OGG1: variants seen among roughly 807,000 people sequenced by gnomAD.
The protein encoded by OGG1 is N-glycosylase/DNA lyase.
OGG1 carries 35 observed loss-of-function variants against 42.3 expected under a neutral mutation model. That is an observed-to-expected ratio of 0.83 (90% CI 0.63 to 1.10). The LOEUF is 1.10. OGG1 is among the 50% of genes least tolerant of loss of function. The pLI is 0.00. For synonymous variants in OGG1, 189 were observed against 179.0 expected (o/e 1.06, Z -0.44); for missense variants, 484 against 446.7 (o/e 1.08, Z -0.75).
chr3:9,750,943 A>G lies in OGG1; in HGVS notation c.138-2A>G. 1 of 1,613,964 alleles carries G rather than the reference A, an allele frequency of 6.2e-7. No homozygotes were observed. Among genetic ancestry groups the G allele is most frequent in the Non-Finnish European group, 8.5e-7 (1 of 1,179,984 alleles). On this transcript the variant is annotated splice_acceptor_variant, in intron 1 of 6. Transcript: ENST00000344629. LOFTEE classifies it high-confidence loss of function. ...CAGGGTTGTCATGTGCCTTGGGCTC[A>G]GGTGGAGGGAGCAAAGTCCTGCACA...
chr3:9,760,572 A>C (rs1440089849), downstream of OGG1: 5 of 1,381,264 alleles, frequency 3.6e-6, no homozygotes, highest in Non-Finnish European at 5.1e-6. Flanking sequence ...CGACAGAAGG[A>C]AGGCAGGAGG....
chr3:9,754,018 A>G (rs1477285180), intron 3 of OGG1, among the ~76,000 whole-genome samples: 1 of 152,236 alleles, frequency 6.6e-6, no homozygotes, highest in Non-Finnish European at 1.5e-5. Context: ...ACAAGCCTGT[A>G]GTCTCAGCTA....
chr3:9,771,748 T>C lies in OGG1; in HGVS notation c.295-9765T>C, dbSNP rs572800067. ...CTTTTACCACAAATTCCTGTTCATC[T>C]TGATGACAACACCCCCTGGGTGATA... On this transcript the variant is annotated intron_variant, in intron 2 of 3. Coordinates refer to the OGG1 transcript ENST00000426518. Among the ~76,000 whole-genome samples the C allele has an allele frequency of 6.6e-5, 10 of 152,072 alleles. No individual in the cohort carries two copies. The South Asian group carries it at 2.1e-3, about 32-fold the overall frequency.
At chr3:9,757,910 CA>C (rs2077662207), downstream of OGG1, 5 of 1,538,186 alleles carry the variant, frequency 3.3e-6, no homozygotes, top group Admixed American at 1.0e-4. This position sits in a 1 kb window ranked among gnomAD's most constrained non-coding sequence, Gnocchi z 4.5. Flanking sequence ...AGTCATGGGG[CA>C]GGGGCGCAGT....
downstream of OGG1, among the ~76,000 whole-genome samples, chr3:9,770,238 C>T (rs1220645716): frequency 6.6e-6 from 1 of 152,182 alleles, no homozygotes; most frequent in East Asian, 1.9e-4. Context: ...CGAACCCCGT[C>T]TGTCTGAAGC....
chr3:9,754,958 G>A, intron 4 of OGG1, 73 bp downstream of exon 4: 1 of 1,314,288 alleles, frequency 7.6e-7, no homozygotes, highest in East Asian at 2.5e-5. Context: ...GCCAAGCCTG[G>A]GAGCTGGGTG....
At chr3:9,783,379 G>A (rs2078525930) in intron 3 of OGG1, 1 of 151,754 alleles carries the variant, frequency 6.6e-6, no homozygotes, top group South Asian at 2.1e-4. Context: ...GAATGCAATG[G>A]TGCAGTCTCA....
chr3:9,789,704 G>C, downstream of OGG1: 1 of 1,611,692 alleles, frequency 6.2e-7, no homozygotes, highest in Non-Finnish European at 8.5e-7. Flanking sequence ...ATGTTCTCTA[G>C]CCCAGAACCT....
intron 7 of OGG1, chr3:9,763,185 C>T (rs759644397): frequency 6.2e-6 from 10 of 1,613,934 alleles, no homozygotes; most frequent in Admixed American, 3.3e-5. Context: ...TAGATGTCAT[C>T]CAGGGCTACA....
downstream of OGG1, chr3:9,760,224 CAG>C (rs1402114605): frequency 5.7e-6 from 1 of 175,486 alleles, no homozygotes; most frequent in Non-Finnish European, 1.2e-5. Context: ...GCCTGGGCAA[CAG>C]AGCGAGACTG....
At chr3:9,781,747 A>C (rs1469752187) in intron 3 of OGG1, 3 of 374,836 alleles carry the variant, frequency 8.0e-6, no homozygotes, top group Non-Finnish European at 1.6e-5. Flanking sequence ...GGGCTGCTTA[A>C]GGCCTTGCAG....
chr3:9,762,698 ATGT>A (rs2077941861), intron 7 of OGG1, among the ~76,000 whole-genome samples: 1 of 152,036 alleles, frequency 6.6e-6, no homozygotes, highest in African/African-American at 2.4e-5. Flanking sequence ...AAAAGACAAA[ATGT>A]TGTTTGGATA....
downstream of OGG1, chr3:9,762,075 C>A: frequency 7.9e-6 from 2 of 254,346 alleles, no homozygotes; most frequent in Non-Finnish European, 1.6e-5. Flanking sequence ...TGCTTCCCTG[C>A]TAGGCCAGTC....
chr3:9,766,082 C>T lies in OGG1; in HGVS notation c.*251C>T, dbSNP rs201354453. 127 of 1,535,044 alleles carry T rather than the reference C, an allele frequency of 8.3e-5. No homozygotes were observed. In the African/African-American group the frequency reaches 1.6e-3, roughly 19 times the overall value. ...GGCCTGGCCAGTCAAAGTAGTCTCT[C>T]CCCTGGCCACAGTAATTGGTCATGT... On this transcript the variant is annotated 3_prime_UTR_variant, in exon 8 of 8. Coordinates refer to the OGG1 transcript ENST00000302008.
chr3:9,787,206 G>A, intron 3 of OGG1: 2 of 1,614,202 alleles, frequency 1.2e-6, no homozygotes, highest in Non-Finnish European at 1.7e-6. Flanking sequence ...TACCTTTAGT[G>A]TCCAGTTCGG....
chr3:9,771,052 G>A (rs962179869), downstream of OGG1, among the ~76,000 whole-genome samples: 15 of 149,376 alleles, frequency 1.0e-4, no homozygotes, highest in Middle Eastern at 3.2e-3. Context: ...TTTTAAGACA[G>A]GGTCTTGCTC....
chr3:9,756,311 CAAAA>C (rs201763685), intron 4 of OGG1, among the ~76,000 whole-genome samples, 156 bp from the exon 5 acceptor site: 2 of 150,790 alleles, frequency 1.3e-5, no homozygotes, highest in African/African-American at 2.4e-5. Context: ...CAAAAACAAA[CAAAA>C]AAAAAGTGTA....
intron 2 of OGG1, chr3:9,779,815 CCTCAGAAAGAGGTA>C (rs1431813761): frequency 6.6e-6 from 1 of 152,172 alleles, no homozygotes; most frequent in Middle Eastern, 3.2e-3. Context: ...CCACAAGTAT[CCTCAGAAAGAGGTA>C]CTCAGAAAGT....
chr3:9,759,016 G>C, downstream of OGG1: 1 of 671,950 alleles, frequency 1.5e-6, no homozygotes, highest in South Asian at 1.6e-5. Context: ...GTGCTCCTCT[G>C]TGGCATATGA....
Sources: gnomAD v4.1 joint callset for allele counts (sites outside exome capture counted in the v4.1 genomes callset) on GRCh38, gnomAD v4.1.1 for gene constraint, Gnocchi (gnomAD v3.1) non-coding constraint, MANE v1.5 for transcripts, NCBI Gene and HGNC (gene_info 2026-07-23, HGNC 2026-07-21) for gene names.